BABAM2: variants seen among roughly 807,000 people sequenced by gnomAD.
BABAM2 encodes the protein BRISC and BRCA1 A complex member 2, also known as BRISC and BRCA1-A complex member 2.
A neutral mutation model predicts 54.7 loss-of-function variants in BABAM2; 31 were observed. The ratio of observed to expected loss-of-function variants is 0.57; its 90% CI spans 0.43 to 0.77. BABAM2 has a LOEUF of 0.77. BABAM2 is among the 30% of genes least tolerant of loss of function. The probability of loss-of-function intolerance (pLI) is 0.00; values close to 1 mark genes in which losing one functional copy is unlikely to be tolerated. For missense variants in BABAM2, 364 were observed against 455.8 expected (o/e 0.80, Z 1.83); for synonymous variants, 167 against 162.9 (o/e 1.03, Z -0.19).
Position 28,261,758 on chromosome 2 carries a change from C to T in BABAM2, c.934+16896C>T, listed in dbSNP as rs560284611. On this transcript the variant is annotated intron_variant, in intron 10 of 11. Coordinates refer to ENST00000379624, the MANE Select transcript of BABAM2 (RefSeq NM_199191.3). ...TCCCTTCCTTTCTCTCCCCTCCCCT[C>T]TCCTCCTTTCCCCTCCCCTCCCCTC... Among the ~76,000 whole-genome samples the T allele has an allele frequency of 1.2e-3, 181 of 150,054 alleles. 1 individual carries two copies. The highest frequency in any genetic ancestry group is 2.2e-3 in the Non-Finnish European group (150 of 67,502).
At chr2:28,023,797 G>A (rs1372101290) in intron 4 of BABAM2, among the ~76,000 whole-genome samples, 1 of 152,034 alleles carries the variant, frequency 6.6e-6, no homozygotes, top group Admixed American at 6.5e-5. Context: ...GTTTTCTTTT[G>A]GTAGAAGCTA....
intron 3 of BABAM2, among the ~76,000 whole-genome samples, chr2:27,970,883 C>A (rs1671162112): frequency 6.6e-6 from 1 of 151,988 alleles, no homozygotes; most frequent in African/African-American, 2.4e-5. Flanking sequence ...GAGTCTGGGG[C>A]TGTTGTTTTG....
chr2:28,237,567 C>T (rs575889363), intron 8 of BABAM2, among the ~76,000 whole-genome samples: 1 of 152,266 alleles, frequency 6.6e-6, no homozygotes, highest in South Asian at 2.1e-4. Flanking sequence ...ATTTAAGTCA[C>T]GTCTTTCTTG....
chr2:28,116,783 C>A (rs1668652521), intron 6 of BABAM2, among the ~76,000 whole-genome samples: 1 of 152,232 alleles, frequency 6.6e-6, no homozygotes, highest in Admixed American at 6.5e-5. Flanking sequence ...TTGCTGGGCA[C>A]TTCCACGTAC....
chr2:27,968,951 CA>C (rs932929373), intron 3 of BABAM2, among the ~76,000 whole-genome samples: 6 of 152,062 alleles, frequency 3.9e-5, no homozygotes, highest in African/African-American at 9.7e-5. Context: ...TGGGAGGGGT[CA>C]GGGGTGGAAT....
intron 6 of BABAM2, among the ~76,000 whole-genome samples, chr2:28,124,628 C>A (rs7600952): frequency 0.98 from 149,094 of 152,284 alleles, 73,067 homozygotes; most frequent in East Asian, 1. Flanking sequence ...GGAACATTCC[C>A]TTTGTTCACT....
chr2:28,163,848 C>G (rs1003750301), intron 7 of BABAM2, among the ~76,000 whole-genome samples: 3 of 151,744 alleles, frequency 2.0e-5, no homozygotes, highest in African/African-American at 7.3e-5. Context: ...TTGAGGCCAT[C>G]CACCCCTTGT....
chr2:28,011,081 C>T (rs1432457459), intron 4 of BABAM2, among the ~76,000 whole-genome samples: 1 of 152,088 alleles, frequency 6.6e-6, no homozygotes, highest in Non-Finnish European at 1.5e-5. Context: ...ACTGGAGGTT[C>T]CCACTCAAAA....
chr2:27,893,352 A>G lies in BABAM2; in HGVS notation c.-24-1181A>G, dbSNP rs200583416. ...GTAAGGACTTAGTGCCTTAAAGTCA[A>G]ATACCTTAAGATCCATGTTAGTCTG... On this transcript the variant is annotated intron_variant, in intron 1 of 11. Coordinates refer to ENST00000379624, the MANE Select transcript of BABAM2 (RefSeq NM_199191.3). Among the ~76,000 whole-genome samples, 21 of 152,320 alleles carry G rather than the reference A, an allele frequency of 1.4e-4. No homozygotes were observed. The East Asian group carries it at 4.0e-3, about 29-fold the overall frequency.
intron 4 of BABAM2, among the ~76,000 whole-genome samples, chr2:27,988,338 T>A (rs1672548196): frequency 6.6e-6 from 1 of 152,196 alleles, no homozygotes; most frequent in Non-Finnish European, 1.5e-5. Flanking sequence ...TTGAAATATT[T>A]TTACTTCAGT....
intron 7 of BABAM2, among the ~76,000 whole-genome samples, chr2:28,152,388 A>G (rs1221003702): frequency 5.3e-5 from 8 of 152,022 alleles, no homozygotes; most frequent in South Asian, 2.1e-4. Flanking sequence ...CTCTAGGTCA[A>G]CCCTTTCCCA....
intron 3 of BABAM2, among the ~76,000 whole-genome samples, chr2:27,934,437 C>T (rs891855033): frequency 7.2e-5 from 11 of 152,172 alleles, no homozygotes; most frequent in African/African-American, 2.2e-4. Flanking sequence ...CTTTCTCCCT[C>T]TTCTTGGGCC....
chr2:28,196,772 C>T (rs969247417), intron 7 of BABAM2, among the ~76,000 whole-genome samples: 3 of 145,500 alleles, frequency 2.1e-5, no homozygotes, highest in African/African-American at 7.5e-5. Flanking sequence ...TTGCTGGAGC[C>T]CAGAAATTCA....
At chr2:28,153,336 A>G (rs550986092) in intron 7 of BABAM2, among the ~76,000 whole-genome samples, 99 of 152,328 alleles carry the variant, frequency 6.5e-4, no homozygotes, top group African/African-American at 2.2e-3. Context: ...AATGTATAAC[A>G]ACCACTTTTG....
chr2:27,908,214 T>G (rs577038603), intron 2 of BABAM2, among the ~76,000 whole-genome samples: 9 of 152,318 alleles, frequency 5.9e-5, no homozygotes, highest in African/African-American at 2.2e-4. Flanking sequence ...ATTGAACCTG[T>G]CACATGGGTA....
At chr2:28,073,645 C>A (rs1026286439) in intron 6 of BABAM2, among the ~76,000 whole-genome samples, 5 of 152,080 alleles carry the variant, frequency 3.3e-5, no homozygotes, top group African/African-American at 9.7e-5. Flanking sequence ...AATATAATAT[C>A]CATCAGTTGA....
intron 7 of BABAM2, among the ~76,000 whole-genome samples, chr2:28,130,745 G>C (rs1208485588): frequency 6.7e-6 from 1 of 149,784 alleles, no homozygotes; most frequent in Non-Finnish European, 1.5e-5. Context: ...TTTTTTGTTT[G>C]TTTGTTTGTT....
intron 2 of BABAM2, among the ~76,000 whole-genome samples, chr2:27,928,060 G>A (rs1264925929): frequency 6.6e-6 from 1 of 152,012 alleles, no homozygotes; most frequent in African/African-American, 2.4e-5. Flanking sequence ...TGCCCAGGCT[G>A]GAGTGCAGTG....
At chr2:28,205,589 C>T (rs181434140) in intron 7 of BABAM2, among the ~76,000 whole-genome samples, 4 of 152,246 alleles carry the variant, frequency 2.6e-5, no homozygotes, top group Admixed American at 2.6e-4. Context: ...TTAACTTGCC[C>T]AAGTTCCTTA....
Sources: allele counts gnomAD v4.1 joint callset (sites outside exome capture counted in the v4.1 genomes callset), GRCh38; gene constraint gnomAD v4.1.1; transcripts MANE v1.5; gene names NCBI Gene and HGNC (gene_info 2026-07-23, HGNC 2026-07-21).